Variants in DPP6 observed in about 807,000 individuals in gnomAD.
DPP6 encodes the protein dipeptidyl peptidase like 6.
Under a neutral mutation model 122.6 loss-of-function variants are expected in DPP6, and 69 were observed. The ratio of observed to expected loss-of-function variants is 0.56; its 90% CI spans 0.46 to 0.69. DPP6 has a LOEUF of 0.69. Ranked by LOEUF, DPP6 falls within the 30% of genes least tolerant of loss-of-function variation. The pLI, the probability that DPP6 is intolerant of heterozygous loss-of-function variation, is 0.00. For synonymous variants in DPP6, 418 were observed against 433.1 expected (o/e 0.97, Z 0.43); for missense variants, 928 against 1,116.9 (o/e 0.83, Z 2.41).
At chr7:154,640,240 G>A (rs1835985148) in intron 6 of DPP6, among the ~76,000 whole-genome samples, 1 of 134,964 alleles carries the variant, frequency 7.4e-6, no homozygotes, top group South Asian at 2.7e-4. Flanking sequence ...GTGACAGAGT[G>A]AGACTCTGTC....
chr7:154,222,207 C>T (rs1800344606), intron 1 of DPP6, among the ~76,000 whole-genome samples: 1 of 152,138 alleles, frequency 6.6e-6, no homozygotes, highest in African/African-American at 2.4e-5. Flanking sequence ...CCCTATCCTC[C>T]CAGCCACCCA....
At chr7:154,255,875 C>T (rs1040961140) in intron 1 of DPP6, among the ~76,000 whole-genome samples, 1 of 152,142 alleles carries the variant, frequency 6.6e-6, no homozygotes, top group South Asian at 2.1e-4. Context: ...CCAATAAATA[C>T]TTGGTGTTTT....
intron 1 of DPP6, among the ~76,000 whole-genome samples, chr7:154,439,216 C>T (rs994960261): frequency 2.0e-5 from 3 of 152,192 alleles, no homozygotes; most frequent in African/African-American, 7.2e-5. Context: ...GTATAGAAAA[C>T]TCATCTCAAA....
intron 10 of DPP6, among the ~76,000 whole-genome samples, chr7:154,774,533 C>T (rs534272412): frequency 1.3e-5 from 2 of 152,184 alleles, no homozygotes; most frequent in African/African-American, 4.8e-5. Context: ...TAGCGTCAGC[C>T]AGGACTTGAA....
chr7:154,450,006 C>T (rs1007518586), intron 2 of DPP6, among the ~76,000 whole-genome samples: 60 of 132,392 alleles, frequency 4.5e-4, no homozygotes, highest in Middle Eastern at 7.2e-3. Context: ...TAGACTCCAT[C>T]TCTAAATAAA....
chr7:153,890,425 C>G (rs1291018181), intron 1 of DPP6, among the ~76,000 whole-genome samples: 1 of 152,224 alleles, frequency 6.6e-6, no homozygotes, highest in Non-Finnish European at 1.5e-5. Context: ...GACCTGCAGC[C>G]TGTTGTTTCA....
rs112632914 is a variant in DPP6 at position 154,332,157 on chromosome 7, C to T, written c.244-114057C>T. Among the ~76,000 whole-genome samples, 517 of 152,014 alleles carry T rather than the reference C, an allele frequency of 3.4e-3. 2 individuals are homozygous for T. The highest frequency in any genetic ancestry group is 6.8e-3 in the Middle Eastern group (2 of 294). On this transcript the variant is annotated intron_variant, in intron 1 of 25. Coordinates refer to ENST00000377770, the MANE Select transcript of DPP6 (RefSeq NM_130797.4). The stretch of plus-strand genomic sequence containing the variant: ...TGCAATCCCAGCTCACTGCAACCTC[C>T]GTCTCCTGGGTTCAAGTGATTCTCC...
chr7:154,748,152 C>A (rs561344341), intron 8 of DPP6, among the ~76,000 whole-genome samples: 1 of 152,264 alleles, frequency 6.6e-6, no homozygotes, highest in Admixed American at 6.5e-5. Context: ...GACAGCAGCC[C>A]ATGTAGAGGG....
chr7:154,572,327 C>G (rs1192625632), intron 5 of DPP6, among the ~76,000 whole-genome samples: 8 of 151,814 alleles, frequency 5.3e-5, no homozygotes, highest in Admixed American at 5.3e-4. Flanking sequence ...TTCTATGCAC[C>G]CATCTGGTCG....
intron 1 of DPP6, among the ~76,000 whole-genome samples, chr7:154,363,347 C>T (rs1055888593): frequency 1.3e-5 from 2 of 152,156 alleles, no homozygotes; most frequent in Admixed American, 1.3e-4. Context: ...AGTTTTATTC[C>T]AGTTTGTCCC....
chr7:154,215,621 A>T (rs1230892284), intron 1 of DPP6, among the ~76,000 whole-genome samples: 2 of 152,150 alleles, frequency 1.3e-5, no homozygotes. Context: ...GGCCTTTCCT[A>T]TCCTTTCTAT....
Position 154,395,986 on chromosome 7 carries a change from T to C in DPP6, c.244-50228T>C, listed in dbSNP as rs115397092. On this transcript the variant is annotated intron_variant, in intron 1 of 25. Transcript: ENST00000377770. ...AATCATAAAGCGCTGTTGAATTCTG[T>C]CAAATGCTTTTTCTGCATCAATTGA... Among the ~76,000 whole-genome samples the C allele has an allele frequency of 4.9e-3, 741 of 152,032 alleles. 6 individuals carry two copies. Among genetic ancestry groups the C allele is most frequent in the African/African-American group, 0.017 (703 of 41,482 alleles).
At chr7:154,082,821 C>CTG (rs1319212814) in intron 1 of DPP6, among the ~76,000 whole-genome samples, 1 of 148,380 alleles carries the variant, frequency 6.7e-6, no homozygotes, top group Non-Finnish European at 1.5e-5. Context: ...AAGGATGGTG[C>CTG]TGTGTGTGCC....
At chr7:154,611,048 G>A (rs924321851) in intron 5 of DPP6, among the ~76,000 whole-genome samples, 5 of 152,138 alleles carry the variant, frequency 3.3e-5, no homozygotes, top group African/African-American at 1.2e-4. Context: ...TAACTTGCCT[G>A]TGATGAATTT....
At chr7:154,296,632 T>A (rs761029814) in intron 1 of DPP6, among the ~76,000 whole-genome samples, 23 of 152,174 alleles carry the variant, frequency 1.5e-4, no homozygotes, top group Non-Finnish European at 2.6e-4. Context: ...GGGAAGTGCC[T>A]TTTAGGAAGA....
chr7:154,882,301 G>A (rs930456383), intron 21 of DPP6, among the ~76,000 whole-genome samples: 6 of 152,334 alleles, frequency 3.9e-5, no homozygotes, highest in Middle Eastern at 3.4e-3. Flanking sequence ...CAGCTCCGCC[G>A]AGGACATCTG....
intron 1 of DPP6, among the ~76,000 whole-genome samples, chr7:154,398,877 C>A (rs1236533827): frequency 6.6e-6 from 1 of 152,182 alleles, no homozygotes; most frequent in African/African-American, 2.4e-5. Context: ...TTCCATGGGA[C>A]ACACTTGATT....
chr7:154,577,658 T>C (rs1405844514), intron 5 of DPP6, among the ~76,000 whole-genome samples: 1 of 151,480 alleles, frequency 6.6e-6, no homozygotes, highest in Non-Finnish European at 1.5e-5. Context: ...GAAGAGAGAG[T>C]GGGTTTGCTG....
chr7:154,136,946 A>G (rs1416907064), intron 1 of DPP6, among the ~76,000 whole-genome samples: 1 of 152,204 alleles, frequency 6.6e-6, no homozygotes, highest in African/African-American at 2.4e-5. Context: ...CTGTGTGCTC[A>G]GTGAAAATGC....
Sources: gnomAD v4.1 joint callset for allele counts (sites outside exome capture counted in the v4.1 genomes callset) on GRCh38, gnomAD v4.1.1 for gene constraint, MANE v1.5 for transcripts, NCBI Gene and HGNC (gene_info 2026-07-23, HGNC 2026-07-21) for gene names.